SCHIP1: variants seen among roughly 807,000 people sequenced by gnomAD.
The protein encoded by SCHIP1 is schwannomin-interacting protein 1.
Under a neutral mutation model 29.7 loss-of-function variants are expected in SCHIP1, and 8 were observed. That is an observed-to-expected ratio of 0.27 (90% CI 0.16 to 0.49). The LOEUF (loss-of-function observed/expected upper bound fraction) is 0.49, where lower values mean the gene tolerates loss of function less well. Ranked by LOEUF, SCHIP1 falls within the 20% of genes least tolerant of loss-of-function variation. The probability of loss-of-function intolerance (pLI) is 0.99; values close to 1 mark genes in which losing one functional copy is unlikely to be tolerated. For synonymous variants in SCHIP1, 76 were observed against 94.9 expected, an observed-to-expected ratio of 0.80 and a Z score of 1.16; for missense variants, 193 against 294.6, an observed-to-expected ratio of 0.66 and a Z score of 2.52.
intron 6 of SCHIP1, chr3:159,892,427 C>T (rs536826930): frequency 3.3e-6 from 2 of 598,844 alleles, no homozygotes; most frequent in Admixed American, 3.0e-5. Flanking sequence ...CATTACTTCT[C>T]ACATCTCCGC....
chr3:159,854,767 C>A lies in SCHIP1; in HGVS notation c.31-11396C>A, dbSNP rs148996241. On this transcript the variant is annotated intron_variant, in intron 1 of 6. Coordinates refer to ENST00000445224, the Ensembl canonical transcript of SCHIP1. ...CATGGTGTCCTTTGTCAGACCATTT[C>A]TCAGATAGAAGAGGATAGGTCAGTT... Among the ~76,000 whole-genome samples, 8 of 152,312 alleles carry A rather than the reference C, an allele frequency of 5.3e-5. No individual in the cohort carries two copies. The East Asian group carries it at 1.5e-3, about 29-fold the overall frequency.
the SCHIP1 span, among the ~76,000 whole-genome samples, chr3:159,397,960 T>G: frequency 5.9e-5 from 9 of 152,270 alleles, 1 homozygote; most frequent in South Asian, 1.9e-3. Flanking sequence ...CAGACTGCTG[T>G]GCTAGCAATC....
chr3:159,587,472 T>C, the SCHIP1 span, among the ~76,000 whole-genome samples: 1 of 152,124 alleles, frequency 6.6e-6, no homozygotes, highest in East Asian at 1.9e-4. Flanking sequence ...ATACATAACT[T>C]TTTTATTTTT....
At chr3:159,353,112 T>C in the SCHIP1 span, among the ~76,000 whole-genome samples, 1 of 152,042 alleles carries the variant, frequency 6.6e-6, no homozygotes, top group Admixed American at 6.6e-5. Context: ...TGTTAGGGCT[T>C]AGTTATAAAA....
the SCHIP1 span, among the ~76,000 whole-genome samples, chr3:159,440,722 G>A: frequency 6.6e-6 from 1 of 152,066 alleles, no homozygotes; most frequent in African/African-American, 2.4e-5. Context: ...AATTAAATCA[G>A]AATTTTTGTA....
At chr3:159,556,545 T>C in the SCHIP1 span, among the ~76,000 whole-genome samples, 1 of 151,772 alleles carries the variant, frequency 6.6e-6, no homozygotes, top group Non-Finnish European at 1.5e-5. Context: ...TAGACTGGAT[T>C]AAGAAAATGT....
At chr3:159,363,497 T>G in the SCHIP1 span, among the ~76,000 whole-genome samples, 1 of 152,120 alleles carries the variant, frequency 6.6e-6, no homozygotes, top group Non-Finnish European at 1.5e-5. Context: ...CATAAAATAT[T>G]GAATAAATAT....
the SCHIP1 span, among the ~76,000 whole-genome samples, chr3:159,374,899 A>T: frequency 1.3e-5 from 2 of 152,212 alleles, no homozygotes; most frequent in South Asian, 4.1e-4. Flanking sequence ...CATGTGTTCT[A>T]AGTATAAAAT....
At chr3:159,410,462 G>A in the SCHIP1 span, among the ~76,000 whole-genome samples, 1 of 152,006 alleles carries the variant, frequency 6.6e-6, no homozygotes, top group Non-Finnish European at 1.5e-5. Context: ...TAAAAAATAG[G>A]CAAAAGATCT....
At chr3:159,456,097 A>G in the SCHIP1 span, among the ~76,000 whole-genome samples, 1 of 152,034 alleles carries the variant, frequency 6.6e-6, no homozygotes, top group Non-Finnish European at 1.5e-5. Context: ...CTCTGATCAG[A>G]TGGTTTCAGG....
the SCHIP1 span, among the ~76,000 whole-genome samples, chr3:159,475,974 A>G: frequency 1.3e-5 from 2 of 152,202 alleles, no homozygotes; most frequent in Admixed American, 1.3e-4. Flanking sequence ...GTGAGAAGGC[A>G]AATGCTGAGC....
the SCHIP1 span, among the ~76,000 whole-genome samples, chr3:159,822,576 GCAGGGAC>G: frequency 6.6e-6 from 1 of 150,876 alleles, no homozygotes; most frequent in African/African-American, 2.4e-5. Flanking sequence ...CCAAAATTTT[GCAGGGAC>G]CATCTAACAG....
At chr3:159,706,269 G>T in the SCHIP1 span, among the ~76,000 whole-genome samples, 4 of 151,708 alleles carry the variant, frequency 2.6e-5, 1 homozygote, top group South Asian at 8.4e-4. Flanking sequence ...TTTCTCAATT[G>T]TCCAGGATAC....
the SCHIP1 span, among the ~76,000 whole-genome samples, chr3:159,341,651 C>T: frequency 4.6e-5 from 7 of 152,124 alleles, no homozygotes; most frequent in African/African-American, 1.7e-4. Flanking sequence ...GCCACTTTCT[C>T]GAGCTTCGTT....
At chr3:159,362,592 T>C in the SCHIP1 span, among the ~76,000 whole-genome samples, 2 of 152,236 alleles carry the variant, frequency 1.3e-5, no homozygotes, top group South Asian at 4.1e-4. Flanking sequence ...TGTGCTCCTG[T>C]ATACACCATT....
At chr3:159,814,638 A>G in the SCHIP1 span, among the ~76,000 whole-genome samples, 1 of 152,164 alleles carries the variant, frequency 6.6e-6, no homozygotes, top group African/African-American at 2.4e-5. Flanking sequence ...CCGAGTAGGG[A>G]TACTGCCGAG....
chr3:159,427,721 G>C, the SCHIP1 span, among the ~76,000 whole-genome samples: 1 of 152,056 alleles, frequency 6.6e-6, no homozygotes, highest in Admixed American at 6.5e-5. Flanking sequence ...AACCAAAAAA[G>C]AGCCCGCATC....
chr3:159,762,816 G>T, the SCHIP1 span, among the ~76,000 whole-genome samples: 9,557 of 152,234 alleles, frequency 0.063, 965 homozygotes, highest in African/African-American at 0.21. Context: ...TTTTGAAAAC[G>T]CCAGCATAGG....
At chr3:159,431,530 A>G in the SCHIP1 span, among the ~76,000 whole-genome samples, 2 of 152,156 alleles carry the variant, frequency 1.3e-5, no homozygotes, top group African/African-American at 2.4e-5. Context: ...AATCCAAATT[A>G]CTATAATAGA....
Sources: gnomAD v4.1 joint callset for allele counts (sites outside exome capture counted in the v4.1 genomes callset) on GRCh38, gnomAD v4.1.1 for gene constraint, MANE v1.5 for transcripts, NCBI Gene and HGNC (gene_info 2026-07-23, HGNC 2026-07-21) for gene names.